The following CACNA2D3 variants were observed in gnomAD, a reference collection of about 807,000 sequenced individuals.
CACNA2D3 encodes calcium voltage-gated channel auxiliary subunit alpha2delta 3, also known as voltage-dependent calcium channel subunit alpha-2/delta-3.
In CACNA2D3, 60 loss-of-function variants were observed where a neutral mutation model predicts 160.6. The observed-to-expected ratio is 0.37, with a 90% CI of 0.30 to 0.46. The LOEUF is 0.46. CACNA2D3 is among the 20% of genes least tolerant of loss of function. The pLI, the probability that CACNA2D3 is intolerant of heterozygous loss-of-function variation, is 1.00. For missense variants in CACNA2D3, 1,205 were observed against 1,365.0 expected (o/e 0.88, Z 1.85); for synonymous variants, 558 against 492.9 (o/e 1.13, Z -1.75).
chr3:54,642,340 C>G (rs1699540306), intron 11 of CACNA2D3, 99 bp downstream of exon 11: 1 of 599,892 alleles, frequency 1.7e-6, no homozygotes, highest in Non-Finnish European at 2.8e-6. Context: ...TAGACTTAAT[C>G]TCATAATGAT....
At chr3:54,407,576 T>A (rs568784902) in intron 4 of CACNA2D3, among the ~76,000 whole-genome samples, 1 of 152,236 alleles carries the variant, frequency 6.6e-6, no homozygotes, top group Admixed American at 6.5e-5. Flanking sequence ...CAAAGCTACT[T>A]CTCAGTTGTT....
chr3:55,035,143 A>C (rs1703785899), intron 35 of CACNA2D3, among the ~76,000 whole-genome samples: 1 of 152,204 alleles, frequency 6.6e-6, no homozygotes, highest in South Asian at 2.1e-4. Flanking sequence ...TTAAGGTGCT[A>C]GGAGAAGCCT....
At chr3:54,832,011 T>TCA (rs60020847) in intron 14 of CACNA2D3, among the ~76,000 whole-genome samples, 1,445 of 118,864 alleles carry the variant, frequency 0.012, 29 homozygotes, top group East Asian at 0.049. Flanking sequence ...CTCTTCTCTG[T>TCA]CACACACACA....
intron 3 of CACNA2D3, among the ~76,000 whole-genome samples, chr3:54,328,952 G>T (rs775675213): frequency 1.3e-5 from 2 of 152,274 alleles, no homozygotes; most frequent in Non-Finnish European, 2.9e-5. Context: ...GGTGCCCAGG[G>T]TGTTTCAGCC....
intron 27 of CACNA2D3, among the ~76,000 whole-genome samples, chr3:54,957,661 G>A (rs1701934476): frequency 6.6e-6 from 1 of 151,542 alleles, no homozygotes; most frequent in Non-Finnish European, 1.5e-5. Context: ...CGACTGATGG[G>A]CCTTTGGCAA....
At chr3:54,605,352 T>C (rs542897240) in intron 9 of CACNA2D3, among the ~76,000 whole-genome samples, 1 of 152,324 alleles carries the variant, frequency 6.6e-6, no homozygotes, top group East Asian at 1.9e-4. Flanking sequence ...CTGAGAAGTT[T>C]CAAGCTCCTC....
intron 4 of CACNA2D3, among the ~76,000 whole-genome samples, chr3:54,454,362 T>C (rs1050732911): frequency 3.9e-5 from 6 of 152,182 alleles, no homozygotes; most frequent in Non-Finnish European, 8.8e-5. Context: ...AGTTCTCTTG[T>C]ACCCCGGTGT....
chr3:54,737,789 T>G (rs953932297), intron 11 of CACNA2D3, among the ~76,000 whole-genome samples: 3 of 152,130 alleles, frequency 2.0e-5, no homozygotes, highest in African/African-American at 7.2e-5. Context: ...CTCAGCCTCC[T>G]GAGTAGCTGG....
chr3:55,016,523 G>C (rs1367712071), intron 34 of CACNA2D3, among the ~76,000 whole-genome samples: 3 of 152,204 alleles, frequency 2.0e-5, no homozygotes, highest in Non-Finnish European at 2.9e-5. Context: ...CTGGCCTGTG[G>C]ATGGTAACAT....
intron 4 of CACNA2D3, among the ~76,000 whole-genome samples, chr3:54,415,172 G>A (rs982031664): frequency 6.6e-6 from 1 of 152,096 alleles, no homozygotes; most frequent in African/African-American, 2.4e-5. Flanking sequence ...TAAGATGGCT[G>A]ACTGCAGAAA....
At chr3:54,987,783 C>G in intron 31 of CACNA2D3, 30 bp downstream of exon 31, 2 of 1,519,186 alleles carry the variant, frequency 1.3e-6, no homozygotes, top group South Asian at 2.4e-5. Context: ...CTGCATTCCC[C>G]CCAAAAGTTT....
intron 4 of CACNA2D3, among the ~76,000 whole-genome samples, chr3:54,445,577 C>T (rs1700209644): frequency 6.6e-6 from 1 of 151,752 alleles, no homozygotes; most frequent in South Asian, 2.1e-4. Flanking sequence ...CACACACACA[C>T]ACACACACAC....
chr3:54,895,265 G>A (rs1048508327), intron 25 of CACNA2D3, among the ~76,000 whole-genome samples: 3 of 152,194 alleles, frequency 2.0e-5, no homozygotes, highest in Non-Finnish European at 2.9e-5. Flanking sequence ...TATGAGATTA[G>A]ATTTTTCTTG....
intron 11 of CACNA2D3, among the ~76,000 whole-genome samples, chr3:54,743,427 G>C (rs1701691258): frequency 6.6e-6 from 1 of 152,122 alleles, no homozygotes; most frequent in Non-Finnish European, 1.5e-5. Context: ...AGAAGGAGTT[G>C]GTCCAGAAGG....
At chr3:54,152,818 C>T (rs942792409) in intron 2 of CACNA2D3, among the ~76,000 whole-genome samples, 2 of 152,202 alleles carry the variant, frequency 1.3e-5, no homozygotes, top group African/African-American at 4.8e-5. Context: ...AACTCTGTGG[C>T]TGTGTGACTC....
At chr3:54,210,793 G>T (rs1310439187) in intron 2 of CACNA2D3, among the ~76,000 whole-genome samples, 1 of 152,164 alleles carries the variant, frequency 6.6e-6, no homozygotes, top group Non-Finnish European at 1.5e-5. Flanking sequence ...GTGCCTCCCT[G>T]ACCTGTGCTG....
At position 54,439,595 on chromosome 3, in the gene CACNA2D3, C is replaced by T. The variant is rs955855343; in HGVS notation, c.381+52821C>T. Reference sequence around the variant, plus strand: ...CATGGGCTGGAGGGTTTGAGTCCCACTCCCAGATTTTTAGGAGGGAGAAAC... The same window carrying T: ...CATGGGCTGGAGGGTTTGAGTCCCATTCCCAGATTTTTAGGAGGGAGAAAC... On this transcript the variant is annotated intron_variant, in intron 4 of 37. Transcript: ENST00000474759. 2.0e-5 allele frequency among the ~76,000 whole-genome samples: 3 copies of T among 152,142 alleles called. No homozygotes were observed. The South Asian group carries it at 6.2e-4, about 32-fold the overall frequency.
chr3:54,698,826 C>T (rs1189653144), intron 11 of CACNA2D3, among the ~76,000 whole-genome samples: 1 of 152,104 alleles, frequency 6.6e-6, no homozygotes, highest in African/African-American at 2.4e-5. Context: ...AATGGCCTGC[C>T]TATGTATTTA....
At chr3:54,380,726 C>CAAAAAAACAAAAAACA (rs1553641440) in intron 3 of CACNA2D3, among the ~76,000 whole-genome samples, 1 of 150,848 alleles carries the variant, frequency 6.6e-6, no homozygotes, top group East Asian at 2.0e-4. Context: ...GTCTCAAAAA[C>CAAAAAAACAAAAAACA]AAAAAACAAA....
Sources: gnomAD v4.1 joint callset for allele counts (sites outside exome capture counted in the v4.1 genomes callset) on GRCh38, gnomAD v4.1.1 for gene constraint, MANE v1.5 for transcripts, NCBI Gene and HGNC (gene_info 2026-07-23, HGNC 2026-07-21) for gene names.